Variants in DYNLT5 observed in about 807,000 individuals in gnomAD.
DYNLT5 encodes the protein dynein light chain Tctex-type family member 5.
DYNLT5 carries 25 observed loss-of-function variants against 19.3 expected under a neutral mutation model. The ratio of observed to expected loss-of-function variants is 1.30; its 90% confidence interval spans 0.95 to 1.81. The LOEUF (loss-of-function observed/expected upper bound fraction) is 1.81, where lower values mean the gene tolerates loss of function less well. Ranked by LOEUF, DYNLT5 falls within the 40% of genes most tolerant of loss-of-function variation. DYNLT5 has a pLI of 0.00. For missense variants in DYNLT5, 232 were observed against 217.9 expected (o/e 1.06, Z -0.41); for synonymous variants, 82 against 68.9 (o/e 1.19, Z -0.94).
chr1:66,776,191 T>A (rs1322908874), intron 3 of DYNLT5, 88 bp from the exon 4 acceptor site: 1 of 1,487,728 alleles, frequency 6.7e-7, no homozygotes, highest in Non-Finnish European at 9.0e-7. Context: ...AATCCCTCCA[T>A]GTTTCCATAC....
intron 2 of DYNLT5, among the ~76,000 whole-genome samples, chr1:66,763,463 C>T (rs2094649351): frequency 6.6e-6 from 1 of 152,180 alleles, no homozygotes; most frequent in Admixed American, 6.5e-5. Context: ...TATAAAAGCC[C>T]TAGGTGGCAT....
At chr1:66,757,758 G>T (rs1286989996) in intron 2 of DYNLT5, among the ~76,000 whole-genome samples, 1 of 152,000 alleles carries the variant, frequency 6.6e-6, no homozygotes, top group African/African-American at 2.4e-5. Flanking sequence ...CATCTGTTTT[G>T]CTAAATACGA....
At chr1:66,773,299 T>C (rs1287969824) in intron 3 of DYNLT5, among the ~76,000 whole-genome samples, 2 of 151,930 alleles carry the variant, frequency 1.3e-5, no homozygotes, top group African/African-American at 4.8e-5. Flanking sequence ...CAGTAGAAAG[T>C]AGATCCAAAA....
chr1:66,755,079 C>A (rs2094633799), intron 2 of DYNLT5, among the ~76,000 whole-genome samples: 1 of 152,134 alleles, frequency 6.6e-6, no homozygotes. Context: ...TTCTTCTCCT[C>A]AATATTTTAT....
intron 2 of DYNLT5, among the ~76,000 whole-genome samples, chr1:66,766,326 T>C (rs1353057115): frequency 6.6e-6 from 1 of 152,202 alleles, no homozygotes; most frequent in Non-Finnish European, 1.5e-5. Context: ...AACCCATCCA[T>C]GTGTAATATT....
intron 2 of DYNLT5, among the ~76,000 whole-genome samples, chr1:66,769,810 G>A (rs868551534): frequency 4.6e-5 from 7 of 152,118 alleles, no homozygotes; most frequent in East Asian, 1.9e-4. Context: ...TGAAAAGGCC[G>A]ATTGATGCTT....
chr1:66,753,658 G>T (rs1384973289), intron 1 of DYNLT5, among the ~76,000 whole-genome samples: 2 of 151,996 alleles, frequency 1.3e-5, no homozygotes, highest in Non-Finnish European at 2.9e-5. Flanking sequence ...ATTTTTTAAA[G>T]TCATGGTGGG....
At chr1:66,765,640 CTTTT>C (rs11399958) in intron 2 of DYNLT5, among the ~76,000 whole-genome samples, 2 of 138,738 alleles carry the variant, frequency 1.4e-5, no homozygotes, top group Admixed American at 7.2e-5. Flanking sequence ...TTTTCTTTTT[CTTTT>C]TTTTTTTTTT....
chr1:66,771,822 CTG>C (rs1322871865), intron 3 of DYNLT5, among the ~76,000 whole-genome samples: 1 of 152,196 alleles, frequency 6.6e-6, no homozygotes, highest in African/African-American at 2.4e-5. Context: ...ATGTGAATCT[CTG>C]TGTTTCTACA....
At chr1:66,767,660 A>AT (rs1171926852) in intron 2 of DYNLT5, among the ~76,000 whole-genome samples, 1 of 152,240 alleles carries the variant, frequency 6.6e-6, no homozygotes, top group Admixed American at 6.5e-5. Context: ...ATATAATAAT[A>AT]AACATTAGTT....
chr1:66,758,678 T>C (rs2094640667), intron 2 of DYNLT5, among the ~76,000 whole-genome samples: 1 of 152,200 alleles, frequency 6.6e-6, no homozygotes, highest in Non-Finnish European at 1.5e-5. Context: ...TAACTACAGG[T>C]TTCTAATTTA....
At chr1:66,754,424 T>C (rs1405907446) in intron 1 of DYNLT5, among the ~76,000 whole-genome samples, 1 of 152,208 alleles carries the variant, frequency 6.6e-6, no homozygotes, top group East Asian at 1.9e-4. Context: ...TAATATCTGC[T>C]TATGTAAATA....
intron 1 of DYNLT5, among the ~76,000 whole-genome samples, chr1:66,753,696 T>C (rs1295394344): frequency 6.6e-6 from 1 of 152,120 alleles, no homozygotes; most frequent in African/African-American, 2.4e-5. Flanking sequence ...TGCCTGTAAT[T>C]CCAGCACTTT....
At chr1:66,765,184 G>T (rs750731171) in intron 2 of DYNLT5, among the ~76,000 whole-genome samples, 4 of 152,038 alleles carry the variant, frequency 2.6e-5, no homozygotes, top group Non-Finnish European at 4.4e-5. Flanking sequence ...TATCACCACT[G>T]GGAGGCAGCA....
chr1:66,764,042 G>T (rs1287627546), intron 2 of DYNLT5, among the ~76,000 whole-genome samples: 1 of 151,968 alleles, frequency 6.6e-6, no homozygotes, highest in Non-Finnish European at 1.5e-5. Context: ...AACAAAATTA[G>T]CCAGGTGTGG....
chr1:66,757,798 G>A, intron 2 of DYNLT5, among the ~76,000 whole-genome samples: 1 of 152,086 alleles, frequency 6.6e-6, no homozygotes, highest in East Asian at 1.9e-4. Flanking sequence ...AATCAAAAGG[G>A]GAACAGTTTT....
In DYNLT5 at chr1:66,754,638, A is replaced by G. The variant is rs1432042499; in HGVS notation, c.-3-18A>G. On this transcript the variant is annotated intron_variant, in intron 1 of 4. Transcript: ENST00000282670. The stretch of plus-strand genomic sequence containing the variant: ...CCGGATCTTTCTTTTGCTATTTTAC[A>G]AAAGTCTTCTTCCATAGGTTATGAT... 6.3e-7 allele frequency: 1 copy of G among 1,584,894 alleles called. No individual in the cohort carries two copies. Among genetic ancestry groups the G allele is most frequent in the Admixed American group, 1.9e-5 (1 of 53,304 alleles).
intron 2 of DYNLT5, among the ~76,000 whole-genome samples, chr1:66,765,640 C>CTTTTTTTTTTT (rs11399958): frequency 1.4e-5 from 2 of 138,752 alleles, no homozygotes; most frequent in African/African-American, 2.6e-5. Context: ...TTTTCTTTTT[C>CTTTTTTTTTTT]TTTTTTTTTT....
chr1:66,756,422 C>T (rs908363238), intron 2 of DYNLT5, among the ~76,000 whole-genome samples: 5 of 152,144 alleles, frequency 3.3e-5, no homozygotes, highest in African/African-American at 1.2e-4. Context: ...ATGAATGAGG[C>T]TTCAACTAGT....
Sources: allele counts gnomAD v4.1 joint callset (sites outside exome capture counted in the v4.1 genomes callset), GRCh38; gene constraint gnomAD v4.1.1; transcripts MANE v1.5; gene names NCBI Gene and HGNC (gene_info 2026-07-23, HGNC 2026-07-21).